The following PRRG2 variants were observed in gnomAD, a reference collection of about 807,000 sequenced individuals.
PRRG2 encodes the protein transmembrane gamma-carboxyglutamic acid protein 2.
Under a neutral mutation model 27.1 loss-of-function variants are expected in PRRG2, and 23 were observed. The observed-to-expected ratio is 0.85, with a 90% CI of 0.61 to 1.20. PRRG2 has a LOEUF of 1.20. Ranked by LOEUF, PRRG2 falls within the 50% of genes most tolerant of loss-of-function variation. The pLI, the probability that PRRG2 is intolerant of heterozygous loss-of-function variation, is 0.00. For synonymous variants in PRRG2, 104 were observed against 103.4 expected (o/e 1.01, Z -0.03); for missense variants, 276 against 254.8 (o/e 1.08, Z -0.57).
chr19:49,590,306 C>A, intron 6 of PRRG2, 65 bp from the exon 7 acceptor site: 1 of 1,611,902 alleles, frequency 6.2e-7, no homozygotes, highest in Non-Finnish European at 8.5e-7. Context: ...TCGGAGTGGT[C>A]CTGGTTGAAG....
chr19:49,588,489 T>C lies in PRRG2; in HGVS notation c.302-8T>C. ...AGACAGTGTCTCCCCTTCCCTACTT[T>C]CCTGCAGGGCGTGGACGAGTGGATG... On this transcript the variant is annotated splice_polypyrimidine_tract_variant and splice_region_variant and intron_variant, in intron 4 of 6. Transcript: ENST00000246794. The C allele has an allele frequency of 6.3e-7, 1 of 1,588,794 alleles. No homozygotes were observed. The highest frequency in any genetic ancestry group is 8.6e-7 in the Non-Finnish European group (1 of 1,168,258).
At chr19:49,588,757 C>A in intron 5 of PRRG2, 125 bp downstream of exon 5, 1 of 1,222,006 alleles carries the variant, frequency 8.2e-7, no homozygotes, top group South Asian at 1.8e-5. Flanking sequence ...AGGACACAGT[C>A]ATTTGGAGAG....
intron 5 of PRRG2, among the ~76,000 whole-genome samples, chr19:49,589,097 G>A (rs539900619): frequency 7.7e-4 from 115 of 148,458 alleles, no homozygotes; most frequent in African/African-American, 2.8e-3. Context: ...TTTGGTGTGT[G>A]TTGGCCTGCC....
At chr19:49,589,808 C>CCT in intron 5 of PRRG2, 92 bp from the exon 6 acceptor site, 2 of 1,409,726 alleles carry the variant, frequency 1.4e-6, no homozygotes, top group Non-Finnish European at 2.0e-6. Flanking sequence ...CCAGTGTCAC[C>CCT]CTGAGTCTCC....
chr19:49,584,907 C>G (rs1384306303), intron 4 of PRRG2, among the ~76,000 whole-genome samples: 1 of 152,176 alleles, frequency 6.6e-6, no homozygotes, highest in Non-Finnish European at 1.5e-5. Flanking sequence ...AGTGGAAAGA[C>G]CAGCCCCTCC....
chr19:49,585,360 C>G (rs2080661543), intron 4 of PRRG2, among the ~76,000 whole-genome samples: 1 of 152,218 alleles, frequency 6.6e-6, no homozygotes, highest in Admixed American at 6.5e-5. Context: ...ACATTGGAGC[C>G]TGGTTGCTAG....
chr19:49,587,943 T>TTTTG (rs964034084), intron 4 of PRRG2, among the ~76,000 whole-genome samples: 5 of 133,240 alleles, frequency 3.8e-5, no homozygotes, highest in South Asian at 5.0e-4. Flanking sequence ...TTTTTTTGGT[T>TTTTG]TTTGTTTGTT....
chr19:49,580,767 A>G (rs923713110), upstream of PRRG2: 2 of 152,052 alleles, frequency 1.3e-5, no homozygotes, highest in African/African-American at 2.4e-5. Context: ...AACGCTTACT[A>G]TGTACGAGGC....
At chr19:49,589,678 T>A (rs2080699840) in intron 5 of PRRG2, among the ~76,000 whole-genome samples, 1 of 151,832 alleles carries the variant, frequency 6.6e-6, no homozygotes, top group Non-Finnish European at 1.5e-5. Flanking sequence ...CTGTGGTTGC[T>A]GATTTCTGTG....
At chr19:49,582,254 A>AAC (rs1166739566) in intron 1 of PRRG2, among the ~76,000 whole-genome samples, 1 of 149,766 alleles carries the variant, frequency 6.7e-6, no homozygotes, top group East Asian at 2.0e-4. Context: ...AAAAAAAAAA[A>AAC]AAAAAACTCC....
intron 5 of PRRG2, 44 bp from the exon 6 acceptor site, chr19:49,589,856 A>G: frequency 1.3e-6 from 2 of 1,598,474 alleles, no homozygotes; most frequent in Non-Finnish European, 1.7e-6. Context: ...TAGTCTAGGT[A>G]TCCTGTAAGT....
chr19:49,588,771 G>C, intron 5 of PRRG2, 139 bp downstream of exon 5: 2 of 1,153,552 alleles, frequency 1.7e-6, no homozygotes, highest in Non-Finnish European at 1.2e-6. Flanking sequence ...TGGAGAGTGA[G>C]TCTGTGAGCT....
At chr19:49,583,389 G>GGCCT in intron 2 of PRRG2, 85 bp downstream of exon 2, 1 of 1,540,374 alleles carries the variant, frequency 6.5e-7, no homozygotes, top group Non-Finnish European at 8.9e-7. Context: ...TCCTCTTCCA[G>GGCCT]GAGTCCAGGA....
intron 1 of PRRG2, among the ~76,000 whole-genome samples, chr19:49,582,420 G>A (rs758218064): frequency 6.6e-6 from 1 of 151,484 alleles, no homozygotes; most frequent in African/African-American, 2.4e-5. Context: ...GATTACAGGC[G>A]CCCACAACCA....
chr19:49,586,945 T>G (rs2080674952), intron 4 of PRRG2, among the ~76,000 whole-genome samples: 1 of 152,068 alleles, frequency 6.6e-6, no homozygotes, highest in African/African-American at 2.4e-5. Context: ...GGTGGATTGC[T>G]TGAGCCTAGG....
At chr19:49,588,201 C>G (rs549739540) in intron 4 of PRRG2, among the ~76,000 whole-genome samples, 1 of 152,026 alleles carries the variant, frequency 6.6e-6, no homozygotes, top group Non-Finnish European at 1.5e-5. Flanking sequence ...TGACCTCAAA[C>G]GATCCACCTG....
chr19:49,582,950 G>A (rs1314876643), intron 1 of PRRG2, among the ~76,000 whole-genome samples: 1 of 151,724 alleles, frequency 6.6e-6, no homozygotes, highest in East Asian at 1.9e-4. Context: ...AGAATCGCTT[G>A]AACCCAGGAC....
chr19:49,585,606 C>T (rs2080663476), intron 4 of PRRG2, among the ~76,000 whole-genome samples: 2 of 152,066 alleles, frequency 1.3e-5, no homozygotes, highest in African/African-American at 4.8e-5. Context: ...CGAGATCAGC[C>T]TGGCCAACAT....
Position 49,590,268 on chromosome 19 carries a change from C to T in PRRG2, c.591-103C>T, listed in dbSNP as rs539671363. The T allele has an allele frequency of 1.9e-6, 3 of 1,555,326 alleles. No individual in the cohort carries two copies. In the African/African-American group the frequency reaches 4.1e-5, roughly 21 times the overall value. On this transcript the variant is annotated intron_variant, in intron 6 of 6. Transcript: ENST00000246794. ...AGGGTGGGGCCTGTGCCCAGAGGGT[C>T]CTGGATTGGCTGAGACGCCAAGGGC...
Sources: gnomAD v4.1 joint callset for allele counts (sites outside exome capture counted in the v4.1 genomes callset) on GRCh38, gnomAD v4.1.1 for gene constraint, MANE v1.5 for transcripts, NCBI Gene and HGNC (gene_info 2026-07-23, HGNC 2026-07-21) for gene names.